Variants in ARHGEF10 observed in about 807,000 individuals in gnomAD.
ARHGEF10 encodes Rho guanine nucleotide exchange factor (GEF) 10.
ARHGEF10 carries 140 observed loss-of-function variants against 147.4 expected under a neutral mutation model. The observed-to-expected ratio is 0.95, with a 90% CI of 0.83 to 1.09. The LOEUF (loss-of-function observed/expected upper bound fraction) is 1.09. Ranked by LOEUF, ARHGEF10 falls within the 50% of genes least tolerant of loss-of-function variation. The probability of loss-of-function intolerance (pLI) is 0.00; values close to 1 mark genes in which losing one functional copy is unlikely to be tolerated. For synonymous variants in ARHGEF10, 902 were observed against 695.8 expected, an observed-to-expected ratio of 1.30 and a Z score of -4.67; for missense variants, 2,222 against 1,752.7, an observed-to-expected ratio of 1.27 and a Z score of -4.78.
chr8:1,893,613 G>A lies in ARHGEF10; in HGVS notation c.1227G>A (p.Lys409=). The A allele has an allele frequency of 6.2e-7, 1 of 1,613,626 alleles. No individual in the cohort carries two copies. Among genetic ancestry groups the A allele is most frequent in the East Asian group, 2.2e-5 (1 of 44,778 alleles). ...TGGGTTCAGTTGTCGACAGTGAAAAGAACTACGTAGATGCTCTTAAGAGGA... is the reference window on the plus strand; with the variant it reads ...TGGGTTCAGTTGTCGACAGTGAAAAAAACTACGTAGATGCTCTTAAGAGGA... ...YILGSVVDSE[K]NYVDALKRIL... is the part of the protein sequence containing the mutation. Residue 409 remains lysine (K), a synonymous_variant, in exon 12 of 29, where the codon AAG becomes AAA. Coordinates refer to ENST00000349830, the MANE Select transcript of ARHGEF10 (RefSeq NM_014629.4).
At chr8:1,834,228 T>A (rs1803443541) in intron 1 of ARHGEF10, among the ~76,000 whole-genome samples, 1 of 152,146 alleles carries the variant, frequency 6.6e-6, no homozygotes, top group South Asian at 2.1e-4. Flanking sequence ...CCCAGGCGGG[T>A]TGATTCTGAC....
chr8:1,908,193 A>G (rs1436639659), intron 17 of ARHGEF10, among the ~76,000 whole-genome samples: 3 of 143,578 alleles, frequency 2.1e-5, no homozygotes, highest in Admixed American at 1.4e-4. Context: ...AATGCATAGC[A>G]CCCGGCATTT....
intron 18 of ARHGEF10, among the ~76,000 whole-genome samples, chr8:1,913,272 GC>G (rs1256198410): frequency 6.6e-6 from 1 of 150,892 alleles, no homozygotes; most frequent in African/African-American, 2.5e-5. Context: ...AGCTGTTACC[GC>G]CCATCCTTCC....
chr8:1,840,630 G>T (rs1265595611), intron 1 of ARHGEF10, among the ~76,000 whole-genome samples: 2 of 151,676 alleles, frequency 1.3e-5, no homozygotes, highest in African/African-American at 4.8e-5. Flanking sequence ...GTCTGGTTTG[G>T]GGACTGTCCG....
At chr8:1,871,823 CAA>C (rs1330971013) in intron 7 of ARHGEF10, among the ~76,000 whole-genome samples, 2 of 151,950 alleles carry the variant, frequency 1.3e-5, no homozygotes, top group African/African-American at 4.8e-5. Context: ...TCTGAAAAAA[CAA>C]AACAAAACAA....
At chr8:1,854,815 C>T (rs1805426679) in intron 2 of ARHGEF10, among the ~76,000 whole-genome samples, 2 of 152,204 alleles carry the variant, frequency 1.3e-5, no homozygotes, top group Non-Finnish European at 2.9e-5. Flanking sequence ...CACACATTGC[C>T]GCCAACCAGG....
At position 1,952,688 on chromosome 8, in the gene ARHGEF10, C is replaced by T. The variant is rs373510960; in HGVS notation, c.3398-17C>T. 24 of 1,613,302 alleles carry T rather than the reference C, an allele frequency of 1.5e-5. No individual in the cohort carries two copies. The highest frequency in any genetic ancestry group is 1.5e-4 in the African/African-American group (11 of 75,068). ...TACACAAACCAGACCCGAAGCCACT[C>T]ATGTCTTTCCGCCCAGGGCACCAGC... On this transcript the variant is annotated splice_polypyrimidine_tract_variant and intron_variant, in intron 27 of 28. Transcript: ENST00000349830.
In ARHGEF10 at chr8:1,922,962, A is replaced by G; in HGVS notation, c.2144-2A>G. On this transcript the variant is annotated splice_acceptor_variant, in intron 18 of 28. Transcript: ENST00000349830. LOFTEE classifies it high-confidence loss of function. The stretch of plus-strand genomic sequence containing the variant: ...TTTTTTTTCTTTTTGCTTATTTTGT[A>G]GACAAAGTTTACATGGGGCCAGGAC... 2 of 1,603,488 alleles carry G rather than the reference A, an allele frequency of 1.2e-6. No individual in the cohort carries two copies. The highest frequency in any genetic ancestry group is 1.7e-6 in the Non-Finnish European group (2 of 1,171,180).
At chr8:1,844,702 T>G (rs182357408) in intron 2 of ARHGEF10, among the ~76,000 whole-genome samples, 2 of 152,236 alleles carry the variant, frequency 1.3e-5, no homozygotes, top group East Asian at 3.9e-4. Flanking sequence ...GTCGCCATGG[T>G]GCTCGTTGTC....
In ARHGEF10 at chr8:1,903,416, A is replaced by G; in HGVS notation, c.1786A>G (p.Ile596Val). 1 of 1,614,244 alleles carries G rather than the reference A, an allele frequency of 6.2e-7. No homozygotes were observed. The highest frequency in any genetic ancestry group is 1.7e-5 in the Admixed American group (1 of 60,034). Residue 596 changes from isoleucine to valine, a missense_variant, in exon 16 of 29, where the codon ATA becomes GTA. By Grantham distance (29) the Ile-to-Val change is conservative. Coordinates refer to ENST00000349830, the MANE Select transcript of ARHGEF10 (RefSeq NM_014629.4). Reference sequence around the variant, plus strand: ...TGATCAACGCTGTGAAGTGAAGCAAATAGCCAAAGCCATAAACGAAAGATA... The same window carrying G: ...TGATCAACGCTGTGAAGTGAAGCAAGTAGCCAAAGCCATAAACGAAAGATA... ...DADQRCEVKQIAKAINERYLN... is the reference protein window; with the variant it reads ...DADQRCEVKQVAKAINERYLN...
chr8:1,917,170 T>A (rs2129198148), intron 18 of ARHGEF10, among the ~76,000 whole-genome samples: 1 of 152,312 alleles, frequency 6.6e-6, no homozygotes, highest in African/African-American at 2.4e-5. Context: ...GGTCAAAGAG[T>A]AGAACATTTG....
chr8:1,887,049 C>T (rs1168302955), intron 11 of ARHGEF10, among the ~76,000 whole-genome samples: 2 of 152,172 alleles, frequency 1.3e-5, no homozygotes, highest in Admixed American at 6.5e-5. Context: ...ACCTTCTTGC[C>T]AGTCCTATGA....
intron 18 of ARHGEF10, among the ~76,000 whole-genome samples, chr8:1,914,449 G>C (rs538737946): frequency 2.0e-5 from 3 of 152,206 alleles, no homozygotes; most frequent in African/African-American, 7.2e-5. Context: ...GCATGGCCTC[G>C]CCTGTAGGCA....
chr8:1,849,764 CGTGG>C (rs1804888126), intron 2 of ARHGEF10, among the ~76,000 whole-genome samples: 1 of 135,684 alleles, frequency 7.4e-6, no homozygotes, highest in African/African-American at 2.8e-5. Context: ...GGGGCGGCCA[CGTGG>C]ACATAGAGGG....
At position 1,893,619 on chromosome 8, in the gene ARHGEF10, C is replaced by T. The variant is rs769949077; in HGVS notation, c.1233C>T (p.Tyr411=). The T allele has an allele frequency of 9.3e-6, 15 of 1,613,242 alleles. No homozygotes were observed. The highest frequency in any genetic ancestry group is 2.2e-5 in the South Asian group (2 of 91,068). ...CAGTTGTCGACAGTGAAAAGAACTA[C>T]GTAGATGCTCTTAAGAGGATTTTGG... ...LGSVVDSEKN[Y]VDALKRILEQ... Residue 411 remains tyrosine, a synonymous_variant, in exon 12 of 29, where the codon TAC becomes TAT. Coordinates refer to ENST00000349830, the MANE Select transcript of ARHGEF10 (RefSeq NM_014629.4).
chr8:1,849,982 A>G (rs28707029), intron 2 of ARHGEF10, among the ~76,000 whole-genome samples: 2,846 of 29,672 alleles, frequency 0.096, 42 homozygotes, highest in Admixed American at 0.13. Flanking sequence ...GGCCGGCTGC[A>G]TGGACACAGA....
intron 27 of ARHGEF10, among the ~76,000 whole-genome samples, chr8:1,951,180 A>G (rs940468957): frequency 2.0e-5 from 3 of 152,244 alleles, no homozygotes; most frequent in African/African-American, 2.4e-5. Flanking sequence ...CTGCTGCTCT[A>G]GAAAGATCAT....
intron 4 of ARHGEF10, among the ~76,000 whole-genome samples, chr8:1,863,869 G>T (rs748928554): frequency 2.0e-5 from 3 of 151,644 alleles, no homozygotes; most frequent in Admixed American, 6.6e-5. Flanking sequence ...GGATGTGAGC[G>T]TGTGCCAGTG....
intron 1 of ARHGEF10, among the ~76,000 whole-genome samples, chr8:1,836,059 A>G (rs112440871): frequency 6.6e-6 from 1 of 150,912 alleles, no homozygotes. Context: ...CAGGTGCCTG[A>G]AGTCCCAGCT....
Sources: gnomAD v4.1 joint callset for allele counts (sites outside exome capture counted in the v4.1 genomes callset) on GRCh38, gnomAD v4.1.1 for gene constraint, MANE v1.5 for transcripts, NCBI Gene and HGNC (gene_info 2026-07-23, HGNC 2026-07-21) for gene names.